Variants in CEP112 observed in about 807,000 individuals in gnomAD.
CEP112 encodes the protein centrosomal protein 112.
In CEP112, 127 loss-of-function variants were observed where a neutral mutation model predicts 153.0. That is an observed-to-expected ratio of 0.83 (90% CI 0.72 to 0.96). The LOEUF (loss-of-function observed/expected upper bound fraction) is 0.96. Among genes scored for constraint, CEP112 ranks in the 40% least tolerant of loss-of-function variants. CEP112 has a pLI of 0.00. For missense variants in CEP112, 1,089 were observed against 1,101.2 expected, an observed-to-expected ratio of 0.99 and a Z score of 0.16; for synonymous variants, 358 against 374.4, an observed-to-expected ratio of 0.96 and a Z score of 0.51.
At chr17:66,172,261 T>G (rs2072276988) in intron 4 of CEP112, among the ~76,000 whole-genome samples, 1 of 152,136 alleles carries the variant, frequency 6.6e-6, no homozygotes, top group African/African-American at 2.4e-5. Flanking sequence ...ATTTACAATC[T>G]AGCACACAGG....
chr17:65,651,636 C>T (rs1484835311), intron 24 of CEP112, among the ~76,000 whole-genome samples: 3 of 151,896 alleles, frequency 2.0e-5, no homozygotes, highest in African/African-American at 7.3e-5. Context: ...GTCATTCCTT[C>T]CTTCCTCTCT....
intron 4 of CEP112, among the ~76,000 whole-genome samples, chr17:66,160,601 C>T (rs1197487740): frequency 5.9e-5 from 9 of 151,762 alleles, no homozygotes; most frequent in Admixed American, 5.9e-4. Context: ...GAAAGGATTT[C>T]CTATTAAATG....
intron 24 of CEP112, among the ~76,000 whole-genome samples, chr17:65,660,426 C>CTTCT (rs1184982179): frequency 5.9e-5 from 7 of 118,178 alleles, no homozygotes; most frequent in South Asian, 6.8e-4. Context: ...ACCCTCCCTC[C>CTTCT]TTCTTTCTTT....
intron 6 of CEP112, among the ~76,000 whole-genome samples, chr17:66,114,024 A>G (rs2069173308): frequency 1.3e-5 from 2 of 152,218 alleles, no homozygotes; most frequent in African/African-American, 4.8e-5. Flanking sequence ...AAAAAAGAAT[A>G]CCACAATAAA....
intron 1 of CEP112, among the ~76,000 whole-genome samples, chr17:66,186,018 C>CTCTCAT (rs1408443901): frequency 6.6e-6 from 1 of 151,518 alleles, no homozygotes; most frequent in East Asian, 1.9e-4. Flanking sequence ...CTCATAATCT[C>CTCTCAT]TCTCATTCTC....
chr17:66,097,038 G>A (rs949073304), intron 6 of CEP112, among the ~76,000 whole-genome samples: 2 of 152,006 alleles, frequency 1.3e-5, no homozygotes, highest in Non-Finnish European at 2.9e-5. Context: ...TCTTACAGTC[G>A]CAATTTAATC....
Position 65,720,797 on chromosome 17 carries a change from A to G in CEP112, c.2607+22271T>C, listed in dbSNP as rs568660867. Among the ~76,000 whole-genome samples, 19 of 152,342 alleles carry G rather than the reference A, an allele frequency of 1.2e-4. No homozygotes were observed. The South Asian group carries it at 2.3e-3, about 18-fold the overall frequency. ...CTATTAAGTAGCAGACACTATTCCAATGCTTTTCAAACATTAGTTCACTCG... is the reference window on the plus strand; with the variant it reads ...CTATTAAGTAGCAGACACTATTCCAGTGCTTTTCAAACATTAGTTCACTCG... On this transcript the variant is annotated intron_variant, in intron 23 of 26. Coordinates refer to ENST00000535342, the MANE Select transcript of CEP112 (RefSeq NM_001199165.4).
chr17:66,073,338 C>T (rs1156716397), intron 8 of CEP112, among the ~76,000 whole-genome samples: 1 of 152,146 alleles, frequency 6.6e-6, no homozygotes, highest in Non-Finnish European at 1.5e-5. Flanking sequence ...CACCACAGGC[C>T]TACTGAGCTG....
chr17:65,689,417 C>T (rs974668), intron 23 of CEP112, among the ~76,000 whole-genome samples, 199 bp from the exon 24 acceptor site: 49,394 of 151,766 alleles, frequency 0.33, 8,260 homozygotes, highest in Middle Eastern at 0.49. Flanking sequence ...ATAAAAAATT[C>T]CAAAGTTATA....
intron 23 of CEP112, among the ~76,000 whole-genome samples, chr17:65,705,013 G>A (rs533793344): frequency 2.0e-5 from 3 of 152,322 alleles, no homozygotes; most frequent in South Asian, 2.1e-4. Context: ...AAGCATACAC[G>A]TGATGGTGTT....
At chr17:65,894,736 C>T (rs2059602055) in intron 20 of CEP112, among the ~76,000 whole-genome samples, 1 of 152,030 alleles carries the variant, frequency 6.6e-6, no homozygotes, top group Non-Finnish European at 1.5e-5. Context: ...ACTCTGGGCA[C>T]TCCTTCTTAT....
At chr17:65,976,790 G>A (rs62064322) in intron 17 of CEP112, among the ~76,000 whole-genome samples, 58,764 of 144,550 alleles carry the variant, frequency 0.41, 13,364 homozygotes, top group East Asian at 0.86. Context: ...CCAGGCTGGA[G>A]TGCAGTGGTG....
chr17:65,666,638 C>T (rs555828250), intron 24 of CEP112, among the ~76,000 whole-genome samples: 82 of 152,234 alleles, frequency 5.4e-4, no homozygotes, highest in East Asian at 7.7e-4. Flanking sequence ...AAGGACAGAG[C>T]CACTTTAAAG....
At chr17:65,700,483 G>A (rs373234183) in intron 23 of CEP112, among the ~76,000 whole-genome samples, 2 of 152,166 alleles carry the variant, frequency 1.3e-5, no homozygotes, top group Non-Finnish European at 2.9e-5. Context: ...AGGAGGAGAG[G>A]AGAGTGGTCC....
chr17:65,980,841 G>A (rs56022560), intron 17 of CEP112, among the ~76,000 whole-genome samples: 16 of 151,902 alleles, frequency 1.1e-4, no homozygotes, highest in African/African-American at 3.9e-4. Flanking sequence ...GCAGTGGCAC[G>A]ATCTCCACTC....
At chr17:66,099,190 C>T (rs2068462125) in intron 6 of CEP112, among the ~76,000 whole-genome samples, 1 of 152,210 alleles carries the variant, frequency 6.6e-6, no homozygotes, top group African/African-American at 2.4e-5. Flanking sequence ...AGAAACAAGA[C>T]AGAATCAAAG....
intron 23 of CEP112, among the ~76,000 whole-genome samples, chr17:65,739,739 A>G (rs1400338624): frequency 6.6e-6 from 1 of 152,146 alleles, no homozygotes; most frequent in African/African-American, 2.4e-5. Context: ...CCATCTCAAA[A>G]AAAAAAAATC....
intron 23 of CEP112, among the ~76,000 whole-genome samples, chr17:65,702,524 G>A (rs548829698): frequency 1.3e-5 from 2 of 152,108 alleles, no homozygotes; most frequent in Non-Finnish European, 2.9e-5. Context: ...TGTGAGAGAG[G>A]AAAGAAAGAG....
chr17:65,812,006 T>G (rs2055989896), intron 21 of CEP112, among the ~76,000 whole-genome samples: 1 of 151,998 alleles, frequency 6.6e-6, no homozygotes, highest in Non-Finnish European at 1.5e-5. Flanking sequence ...AAAATACATT[T>G]TTTTTTCTTT....
Sources: gnomAD v4.1 joint callset for allele counts (sites outside exome capture counted in the v4.1 genomes callset) on GRCh38, gnomAD v4.1.1 for gene constraint, MANE v1.5 for transcripts, NCBI Gene and HGNC (gene_info 2026-07-23, HGNC 2026-07-21) for gene names.